The following RNF150 variants were observed in gnomAD, a reference collection of about 807,000 sequenced individuals.
RNF150 encodes ring finger protein 150.
Under a neutral mutation model 39.3 loss-of-function variants are expected in RNF150, and 24 were observed. The observed-to-expected ratio is 0.61, with a 90% CI of 0.44 to 0.86. The LOEUF (loss-of-function observed/expected upper bound fraction) is 0.86, where lower values mean the gene tolerates loss of function less well. Ranked by LOEUF, RNF150 falls within the 40% of genes least tolerant of loss-of-function variation. The pLI, the probability that RNF150 is intolerant of heterozygous loss-of-function variation, is 0.00. For synonymous variants in RNF150, 255 were observed against 227.3 expected (o/e 1.12, Z -1.10); for missense variants, 502 against 587.8 (o/e 0.85, Z 1.51).
At chr4:141,108,378 C>G (rs1258950497) in intron 1 of RNF150, among the ~76,000 whole-genome samples, 1 of 152,110 alleles carries the variant, frequency 6.6e-6, no homozygotes, top group Non-Finnish European at 1.5e-5. Context: ...CATAGAGCTT[C>G]TTAGAATACG....
intron 1 of RNF150, among the ~76,000 whole-genome samples, chr4:141,175,407 A>C (rs1208154396): frequency 1.3e-5 from 2 of 152,234 alleles, no homozygotes; most frequent in African/African-American, 4.8e-5. Context: ...AACACATTTA[A>C]AAGACAATTT....
chr4:141,025,259 A>C (rs558220921), intron 1 of RNF150, among the ~76,000 whole-genome samples: 58 of 152,170 alleles, frequency 3.8e-4, no homozygotes, highest in Non-Finnish European at 7.2e-4. Context: ...AAATAACCAA[A>C]TTGTACCTGA....
chr4:140,989,505 TG>T (rs938859067), intron 1 of RNF150, among the ~76,000 whole-genome samples: 1 of 151,470 alleles, frequency 6.6e-6, no homozygotes, highest in Non-Finnish European at 1.5e-5. Flanking sequence ...AAAAAGAGAG[TG>T]GGTGGCAGCC....
At position 140,860,666 on chromosome 4, in the gene RNF150, T is replaced by C. The variant is rs997469160; in HGVS notation, c.*7595A>G. On this transcript the variant is annotated 3_prime_UTR_variant, in exon 7 of 7. Transcript: ENST00000515673. ...AGGATGGAAAAAAAGCCATTGGAAT[T>C]TCCTCTTGCTAGTAGGGAGGAAGAT... is the stretch of plus-strand genomic sequence containing the variant. 1 of 152,226 alleles carries C rather than the reference T, an allele frequency of 6.6e-6. No individual in the cohort carries two copies. Among genetic ancestry groups the C allele is most frequent in the African/African-American group, 2.4e-5 (1 of 41,462 alleles). 9.4% of individuals were successfully genotyped at this position (152,226 alleles called of 1,614,324 possible). A position where few individuals can be genotyped will look rare whatever the true frequency, so the allele number is the denominator to read the frequency against.
chr4:140,969,353 CTGT>C (rs1272378993), intron 1 of RNF150, among the ~76,000 whole-genome samples: 3 of 152,090 alleles, frequency 2.0e-5, no homozygotes, highest in Non-Finnish European at 2.9e-5. Context: ...ATGGGTTTGG[CTGT>C]TATTTCTGGG....
At chr4:141,083,574 G>A (rs1174099712) in intron 1 of RNF150, among the ~76,000 whole-genome samples, 1 of 152,112 alleles carries the variant, frequency 6.6e-6, no homozygotes. Flanking sequence ...ATAAAAAGAC[G>A]TGAGTGTGAA....
At chr4:140,911,047 T>C (rs1730576720) in intron 6 of RNF150, 97 bp downstream of exon 6, 2 of 923,362 alleles carry the variant, frequency 2.2e-6, no homozygotes, top group Non-Finnish European at 3.4e-6. Flanking sequence ...ATGTACTCAT[T>C]CAATATTTTT....
chr4:140,872,624 A>G (rs928236646), intron 6 of RNF150, among the ~76,000 whole-genome samples: 3 of 152,230 alleles, frequency 2.0e-5, no homozygotes, highest in Non-Finnish European at 4.4e-5. Flanking sequence ...CAAATCAAAG[A>G]ATGATTTTTG....
chr4:141,117,603 TA>T (rs1386185518), intron 1 of RNF150, among the ~76,000 whole-genome samples: 15 of 152,222 alleles, frequency 9.9e-5, no homozygotes, highest in Admixed American at 9.8e-4. Context: ...CATACAACAA[TA>T]AAATTGCCTG....
At chr4:140,973,572 A>G (rs1733545385) in intron 1 of RNF150, among the ~76,000 whole-genome samples, 2 of 151,986 alleles carry the variant, frequency 1.3e-5, no homozygotes, top group Non-Finnish European at 2.9e-5. Flanking sequence ...ATAATTATAG[A>G]CTAATAACAA....
chr4:141,196,038 T>C (rs934125698), intron 1 of RNF150, among the ~76,000 whole-genome samples: 2 of 152,186 alleles, frequency 1.3e-5, no homozygotes, highest in Middle Eastern at 3.2e-3. Flanking sequence ...ACTTTGGCAA[T>C]GCTTAAAGTT....
intron 1 of RNF150, among the ~76,000 whole-genome samples, chr4:141,164,933 A>T (rs1240553410): frequency 6.6e-6 from 1 of 152,234 alleles, no homozygotes; most frequent in East Asian, 1.9e-4. Flanking sequence ...GACAGAATCA[A>T]ATTCACACAT....
At chr4:141,050,095 A>G (rs1303661170) in intron 1 of RNF150, among the ~76,000 whole-genome samples, 1 of 152,126 alleles carries the variant, frequency 6.6e-6, no homozygotes, top group Admixed American at 6.5e-5. Flanking sequence ...AACAGCAGAA[A>G]CACATATATA....
chr4:141,101,745 C>G (rs1161646196), intron 1 of RNF150, among the ~76,000 whole-genome samples: 1 of 151,930 alleles, frequency 6.6e-6, no homozygotes, highest in Non-Finnish European at 1.5e-5. Context: ...ACAACGTCAC[C>G]AGGTTGTAGA....
At chr4:140,967,931 C>G in intron 1 of RNF150, 58 bp from the exon 2 acceptor site, 6 of 1,492,822 alleles carry the variant, frequency 4.0e-6, no homozygotes, top group Non-Finnish European at 5.6e-6. Flanking sequence ...TATGGGGGAT[C>G]CCAGTGAGAT....
chr4:140,995,332 G>C (rs1734327139), intron 1 of RNF150, among the ~76,000 whole-genome samples: 1 of 152,212 alleles, frequency 6.6e-6, no homozygotes, highest in Non-Finnish European at 1.5e-5. Context: ...TCAGAGCAGA[G>C]CAGGGCTACC....
intron 1 of RNF150, among the ~76,000 whole-genome samples, chr4:141,051,701 G>A (rs778124869): frequency 2.6e-5 from 4 of 152,000 alleles, no homozygotes. Context: ...TATCATTATC[G>A]GCATTTTGGT....
intron 1 of RNF150, among the ~76,000 whole-genome samples, chr4:140,975,435 G>C (rs900388991): frequency 6.6e-6 from 1 of 152,114 alleles, no homozygotes; most frequent in African/African-American, 2.4e-5. Flanking sequence ...ATGGAGGCAA[G>C]ACTGTATTGT....
At chr4:141,191,046 G>A (rs1490989327) in intron 1 of RNF150, among the ~76,000 whole-genome samples, 1 of 152,172 alleles carries the variant, frequency 6.6e-6, no homozygotes, top group Non-Finnish European at 1.5e-5. Context: ...AGCATGGTAA[G>A]GACTTAAGCC....
Sources: allele counts gnomAD v4.1 joint callset (sites outside exome capture counted in the v4.1 genomes callset), GRCh38; gene constraint gnomAD v4.1.1; transcripts MANE v1.5; gene names NCBI Gene and HGNC (gene_info 2026-07-23, HGNC 2026-07-21).